The following USP10 variants were observed in gnomAD, a reference collection of about 807,000 sequenced individuals.
USP10 encodes the protein ubiquitin carboxyl-terminal hydrolase 10.
USP10 carries 22 observed loss-of-function variants against 84.5 expected under a neutral mutation model. That is an observed-to-expected ratio of 0.26 (90% CI 0.19 to 0.37). The LOEUF is 0.37. Among genes scored for constraint, USP10 ranks in the 10% least tolerant of loss-of-function variants. The pLI, the probability that USP10 is intolerant of heterozygous loss-of-function variation, is 1.00. For synonymous variants in USP10, 454 were observed against 387.6 expected (o/e 1.17, Z -2.01); for missense variants, 1,019 against 998.9 (o/e 1.02, Z -0.27).
chr16:84,727,373 G>A (rs759511467), intron 1 of USP10, among the ~76,000 whole-genome samples: 2 of 152,024 alleles, frequency 1.3e-5, no homozygotes, highest in East Asian at 3.9e-4. Flanking sequence ...TAATCTTCCA[G>A]AGGAGAGAAA....
At chr16:84,714,534 G>A (rs1186872470) in intron 1 of USP10, among the ~76,000 whole-genome samples, 4 of 151,580 alleles carry the variant, frequency 2.6e-5, no homozygotes, top group African/African-American at 9.7e-5. Flanking sequence ...TTTCCTTTGC[G>A]ATTGTTTTTT....
chr16:84,730,021 G>C (rs971377716), intron 1 of USP10, among the ~76,000 whole-genome samples: 1 of 152,132 alleles, frequency 6.6e-6, no homozygotes, highest in Non-Finnish European at 1.5e-5. Flanking sequence ...GGTGATTTCT[G>C]TTGTGTTTAC....
rs929558067 is a variant in USP10 at position 84,700,038 on chromosome 16, G to C, written c.-53G>C. On this transcript the variant is annotated 5_prime_UTR_variant, in exon 1 of 14. Coordinates refer to ENST00000219473, the MANE Select transcript of USP10 (RefSeq NM_005153.3). ...CGGGCGAGAAGATGGCGGCGGCGGG[G>C]GAAGCAGCGTGAGCAGCCGGAGGAT... The C allele has an allele frequency of 3.8e-5, 51 of 1,346,936 alleles. No individual in the cohort carries two copies. Among genetic ancestry groups the C allele is most frequent in the Admixed American group, 1.5e-4 (6 of 38,728 alleles). 83.4% of individuals were successfully genotyped at this position (1,346,936 alleles called of 1,614,324 possible). A position where few individuals can be genotyped will look rare whatever the true frequency, so the allele number is the denominator to read the frequency against.
In USP10 at chr16:84,759,936, A is replaced by T; in HGVS notation, c.1440A>T (p.Lys480Asn). ...TCACTAATATGCCAGTACCTCCAAA[A>T]CCCCGACAAGGTTAGTAAAAATGAG... Reference protein sequence around the residue: ...NEFTNMPVPPKPRQALGDKIV... With the variant: ...NEFTNMPVPPNPRQALGDKIV... The change falls in exon 7 of 14, where the codon AAA (lysine) becomes AAT (asparagine). Residue 480 changes from lysine to asparagine, a missense_variant. Physicochemically the swap from Lys to Asn is moderately conservative, Grantham distance 94. This residue lies in a region of USP10 where 787 missense variants were observed against 708.8 expected (regional missense o/e 1.11). Transcript: ENST00000219473. 1.9e-6 allele frequency: 3 copies of T among 1,613,926 alleles called. No homozygotes were observed. Among genetic ancestry groups the T allele is most frequent in the Non-Finnish European group, 1.7e-6 (2 of 1,179,860 alleles).
At chr16:84,738,793 T>G (rs1226651054) in intron 2 of USP10, among the ~76,000 whole-genome samples, 1 of 152,194 alleles carries the variant, frequency 6.6e-6, no homozygotes, top group Non-Finnish European at 1.5e-5. Flanking sequence ...AAGCTTTTAT[T>G]GCTGTGATTA....
intron 2 of USP10, among the ~76,000 whole-genome samples, chr16:84,739,346 A>T (rs1179902074): frequency 6.6e-6 from 1 of 151,910 alleles, no homozygotes; most frequent in East Asian, 1.9e-4. Context: ...ATCTCGGCTC[A>T]CTGCAACCTC....
chr16:84,735,706 A>G (rs1909845951), intron 2 of USP10, among the ~76,000 whole-genome samples: 2 of 152,174 alleles, frequency 1.3e-5, no homozygotes, highest in Admixed American at 6.5e-5. Flanking sequence ...ACTGTGTCTC[A>G]TGAAAATGAG....
chr16:84,701,770 A>G (rs1192754582), intron 1 of USP10, among the ~76,000 whole-genome samples: 1 of 152,218 alleles, frequency 6.6e-6, no homozygotes, highest in Non-Finnish European at 1.5e-5. Flanking sequence ...ACAACAGTCT[A>G]AAGCGTTATA....
At chr16:84,766,100 A>T (rs1437000270) in intron 10 of USP10, among the ~76,000 whole-genome samples, 4 of 152,162 alleles carry the variant, frequency 2.6e-5, no homozygotes, top group African/African-American at 7.2e-5. Context: ...ACCCCTTTTG[A>T]GGCATCAAGA....
intron 1 of USP10, among the ~76,000 whole-genome samples, chr16:84,718,602 A>G (rs1335689601): frequency 6.6e-6 from 1 of 151,962 alleles, no homozygotes; most frequent in Non-Finnish European, 1.5e-5. Flanking sequence ...CTGAAAATAC[A>G]AAAATTAGCC....
chr16:84,740,575 C>A (rs1910509481), intron 3 of USP10, among the ~76,000 whole-genome samples: 1 of 152,230 alleles, frequency 6.6e-6, no homozygotes, highest in Non-Finnish European at 1.5e-5. Context: ...GGAGTGCCAG[C>A]CATGTAAGAT....
At chr16:84,709,887 G>T (rs1372156154) in intron 1 of USP10, among the ~76,000 whole-genome samples, 1 of 152,148 alleles carries the variant, frequency 6.6e-6, no homozygotes, top group Non-Finnish European at 1.5e-5. Flanking sequence ...GTAGGGTGAA[G>T]TGGTTAGCCG....
intron 2 of USP10, 113 bp from the exon 3 acceptor site, chr16:84,740,196 C>T (rs1910463662): frequency 1.2e-6 from 1 of 861,210 alleles, no homozygotes; most frequent in South Asian, 1.8e-5. Flanking sequence ...GAAGTAACGG[C>T]ATGCAAAGTT....
intron 4 of USP10, among the ~76,000 whole-genome samples, chr16:84,752,364 G>A (rs1912029165): frequency 1.3e-5 from 2 of 152,298 alleles, no homozygotes; most frequent in South Asian, 2.1e-4. Context: ...TCTATTATAT[G>A]CCCTTAAAGA....
At chr16:84,719,140 A>G (rs1907456261) in intron 1 of USP10, among the ~76,000 whole-genome samples, 1 of 152,190 alleles carries the variant, frequency 6.6e-6, no homozygotes, top group Non-Finnish European at 1.5e-5. Flanking sequence ...TAACTTGTTA[A>G]TGATCAGTAA....
At chr16:84,765,862 G>A (rs938441211) in intron 10 of USP10, among the ~76,000 whole-genome samples, 4 of 152,110 alleles carry the variant, frequency 2.6e-5, no homozygotes, top group Non-Finnish European at 4.4e-5. Flanking sequence ...AAAGTCCTTC[G>A]GAAAGGTTTT....
At chr16:84,706,094 C>A (rs1905463814) in intron 1 of USP10, among the ~76,000 whole-genome samples, 1 of 152,108 alleles carries the variant, frequency 6.6e-6, no homozygotes, top group Non-Finnish European at 1.5e-5. Context: ...GTTTCCCAGG[C>A]TGGTCTTGAA....
chr16:84,755,691 G>A (rs1476883961), intron 4 of USP10, among the ~76,000 whole-genome samples: 1 of 151,994 alleles, frequency 6.6e-6, no homozygotes, highest in African/African-American at 2.4e-5. Context: ...CCAGCTACTC[G>A]GGAGGCTGAG....
intron 1 of USP10, among the ~76,000 whole-genome samples, chr16:84,723,201 G>A (rs1224906551): frequency 6.6e-6 from 1 of 151,640 alleles, no homozygotes; most frequent in African/African-American, 2.4e-5. Context: ...TTGAAAAGTG[G>A]TTTCTCTTTA....
Sources: allele counts gnomAD v4.1 joint callset (sites outside exome capture counted in the v4.1 genomes callset), GRCh38; gene constraint gnomAD v4.1.1; regional missense constraint gnomAD v4.1.1; transcripts MANE v1.5; gene names NCBI Gene and HGNC (gene_info 2026-07-23, HGNC 2026-07-21).